ATP8A2: variants seen among roughly 807,000 people sequenced by gnomAD.
ATP8A2 encodes ATPase phospholipid transporting 8A2.
A neutral mutation model predicts 165.6 loss-of-function variants in ATP8A2; 100 were observed. The observed-to-expected ratio is 0.60, with a 90% CI of 0.51 to 0.71. The LOEUF is 0.71. ATP8A2 is among the 30% of genes least tolerant of loss of function. The probability of loss-of-function intolerance (pLI) is 0.00; values close to 1 mark genes in which losing one functional copy is unlikely to be tolerated. For missense variants in ATP8A2, 1,227 were observed against 1,479.5 expected (o/e 0.83, Z 2.80); for synonymous variants, 543 against 548.8 (o/e 0.99, Z 0.15).
intron 24 of ATP8A2, among the ~76,000 whole-genome samples, chr13:25,604,673 C>T (rs901329164): frequency 7.2e-5 from 11 of 152,196 alleles, no homozygotes; most frequent in Non-Finnish European, 1.5e-4. Flanking sequence ...GAACTTTAAA[C>T]TTAATGTACC....
At chr13:25,819,090 T>C (rs1032142539) in intron 27 of ATP8A2, among the ~76,000 whole-genome samples, 1 of 152,194 alleles carries the variant, frequency 6.6e-6, no homozygotes, top group South Asian at 2.1e-4. Flanking sequence ...TGGCCAACCA[T>C]TCATACTTTT....
intron 1 of ATP8A2, among the ~76,000 whole-genome samples, chr13:25,435,224 G>A (rs1172279124): frequency 2.6e-5 from 4 of 151,476 alleles, no homozygotes; most frequent in East Asian, 3.9e-4. Flanking sequence ...GGTTTCAAGC[G>A]ATTCTCCTGC....
intron 24 of ATP8A2, among the ~76,000 whole-genome samples, chr13:25,653,167 T>A (rs1308277654): frequency 1.3e-5 from 2 of 152,202 alleles, no homozygotes; most frequent in African/African-American, 2.4e-5. Flanking sequence ...GTTTCAATCT[T>A]TTGCATATGG....
At chr13:25,950,307 G>A (rs530981497) in intron 33 of ATP8A2, among the ~76,000 whole-genome samples, 23 of 152,254 alleles carry the variant, frequency 1.5e-4, no homozygotes, top group Non-Finnish European at 4.4e-5. Flanking sequence ...GACAGGGGTC[G>A]TTCTGGGTGA....
chr13:25,641,250 G>A (rs531232285), intron 24 of ATP8A2, among the ~76,000 whole-genome samples: 1 of 152,142 alleles, frequency 6.6e-6, no homozygotes, highest in South Asian at 2.1e-4. Flanking sequence ...GGAAGTTCTG[G>A]CCAGGGCAGT....
At chr13:25,687,074 G>A (rs1317604832) in intron 24 of ATP8A2, among the ~76,000 whole-genome samples, 2 of 152,248 alleles carry the variant, frequency 1.3e-5, no homozygotes, top group Non-Finnish European at 2.9e-5. Context: ...CCTTGTCACG[G>A]CCCCAAAGAA....
chr13:25,453,169 C>G (rs1343194492), intron 1 of ATP8A2, among the ~76,000 whole-genome samples: 1 of 151,862 alleles, frequency 6.6e-6, no homozygotes, highest in Non-Finnish European at 1.5e-5. Flanking sequence ...TCTTGTTGCC[C>G]AGGCTGGAGT....
intron 24 of ATP8A2, among the ~76,000 whole-genome samples, chr13:25,667,254 G>C (rs1171117590): frequency 6.6e-6 from 1 of 152,074 alleles, no homozygotes; most frequent in Non-Finnish European, 1.5e-5. Context: ...TTTAGATATG[G>C]TTTGTTTGCC....
At chr13:25,824,037 C>T (rs1167746515) in intron 27 of ATP8A2, among the ~76,000 whole-genome samples, 1 of 152,110 alleles carries the variant, frequency 6.6e-6, no homozygotes, top group African/African-American at 2.4e-5. Context: ...GTGGTGCAAT[C>T]TTGGCTCTAT....
At chr13:25,432,664 AT>A (rs60236450) in intron 1 of ATP8A2, among the ~76,000 whole-genome samples, 35,329 of 144,796 alleles carry the variant, frequency 0.24, 4,386 homozygotes, top group Middle Eastern at 0.28. Flanking sequence ...TCTTCCTGTC[AT>A]TTTTTTTTTT....
intron 24 of ATP8A2, among the ~76,000 whole-genome samples, chr13:25,654,659 G>A (rs1485944911): frequency 6.6e-6 from 1 of 152,198 alleles, no homozygotes; most frequent in Admixed American, 6.5e-5. Flanking sequence ...AGTCCTGCTA[G>A]TGGGAGAGTT....
chr13:25,880,600 C>T (rs1952954200), intron 33 of ATP8A2, among the ~76,000 whole-genome samples: 1 of 152,116 alleles, frequency 6.6e-6, no homozygotes, highest in African/African-American at 2.4e-5. Context: ...TTCTAGAACA[C>T]AGGTCAGTTC....
Position 26,025,761 on chromosome 13 carries a change from G to A in ATP8A2, c.*5776G>A, listed in dbSNP as rs1363308181. On this transcript the variant is annotated 3_prime_UTR_variant, in exon 37 of 37. Transcript: ENST00000381655. ...TCTACTTGTATTTTTAGAAGTTTTG[G>A]GAGAATTTAGTGATTTGTGGCTTTG... 1 of 152,200 alleles carries A rather than the reference G, an allele frequency of 6.6e-6. No individual in the cohort carries two copies. The highest frequency in any genetic ancestry group is 1.5e-5 in the Non-Finnish European group (1 of 68,050). The allele number at this position is 152,200 out of a possible 1,614,324, so 9.4% of individuals were successfully genotyped here. A position where few individuals can be genotyped will look rare whatever the true frequency, so the allele number is the denominator to read the frequency against.
intron 1 of ATP8A2, among the ~76,000 whole-genome samples, chr13:25,383,888 G>T (rs1435560947): frequency 6.6e-6 from 1 of 152,060 alleles, no homozygotes; most frequent in Non-Finnish European, 1.5e-5. Flanking sequence ...ATCTGAGTTG[G>T]TTCCAGAGAG....
intron 2 of ATP8A2, among the ~76,000 whole-genome samples, chr13:25,480,963 G>A (rs761929527): frequency 2.3e-4 from 35 of 152,172 alleles, no homozygotes; most frequent in Admixed American, 3.3e-4. Flanking sequence ...AGACCAGCCC[G>A]GGCAACACAG....
Position 25,822,083 on chromosome 13 carries a change from T to C in ATP8A2, c.2680-6035T>C, listed in dbSNP as rs185965749. 1.2e-3 allele frequency among the ~76,000 whole-genome samples: 183 copies of C among 152,298 alleles called. 1 individual carries two copies. Among genetic ancestry groups the C allele is most frequent in the African/African-American group, 4.2e-3 (175 of 41,558 alleles). On this transcript the variant is annotated intron_variant, in intron 27 of 36. Coordinates refer to ENST00000381655, the MANE Select transcript of ATP8A2 (RefSeq NM_016529.6). Reference sequence around the variant, plus strand: ...TGGCCATTCAATACTACCCTTATTTTTTCATTTTTAATGTATCTGTGAGAT... The same window carrying C: ...TGGCCATTCAATACTACCCTTATTTCTTCATTTTTAATGTATCTGTGAGAT...
At chr13:25,781,051 G>T (rs1272200048) in intron 27 of ATP8A2, among the ~76,000 whole-genome samples, 2 of 152,200 alleles carry the variant, frequency 1.3e-5, no homozygotes, top group Non-Finnish European at 1.5e-5. Flanking sequence ...CACGAGGTCA[G>T]GAGATCGAGA....
At chr13:25,769,623 G>T (rs1259706633) in intron 26 of ATP8A2, among the ~76,000 whole-genome samples, 1 of 152,186 alleles carries the variant, frequency 6.6e-6, no homozygotes, top group African/African-American at 2.4e-5. Context: ...CTATAATCCT[G>T]TTCCAGTCTC....
chr13:25,876,308 T>G (rs1952818118), intron 33 of ATP8A2, among the ~76,000 whole-genome samples: 1 of 152,040 alleles, frequency 6.6e-6, no homozygotes, highest in Non-Finnish European at 1.5e-5. Flanking sequence ...GAAGAAAAGT[T>G]TAGGATTTGG....
Sources: gnomAD v4.1 joint callset for allele counts (sites outside exome capture counted in the v4.1 genomes callset) on GRCh38, gnomAD v4.1.1 for gene constraint, MANE v1.5 for transcripts, NCBI Gene and HGNC (gene_info 2026-07-23, HGNC 2026-07-21) for gene names.